RARRES1: variants seen among roughly 807,000 people sequenced by gnomAD.
RARRES1 encodes the protein retinoic acid receptor responder 1, also known as retinoic acid receptor responder protein 1.
A neutral mutation model predicts 30.6 loss-of-function variants in RARRES1; 34 were observed. The ratio of observed to expected loss-of-function variants is 1.11; its 90% CI spans 0.84 to 1.48. The LOEUF is 1.48. RARRES1 is among the 40% of genes most tolerant of loss of function. The pLI is 0.00. For missense variants in RARRES1, 373 were observed against 386.5 expected (o/e 0.97, Z 0.29); for synonymous variants, 153 against 155.5 (o/e 0.98, Z 0.12).
intron 3 of RARRES1, among the ~76,000 whole-genome samples, chr3:158,710,485 G>A (rs1727083710): frequency 6.6e-6 from 1 of 152,176 alleles, no homozygotes; most frequent in East Asian, 1.9e-4. Context: ...TGGGATTACA[G>A]GCATGAGCCA....
At chr3:158,702,242 G>A (rs1265675720) in intron 4 of RARRES1, among the ~76,000 whole-genome samples, 1 of 152,094 alleles carries the variant, frequency 6.6e-6, no homozygotes, top group Admixed American at 6.5e-5. Flanking sequence ...GTTTCACAGT[G>A]TTAGCCAGTA....
At chr3:158,719,308 GTCACCCAGGCT>G (rs1476716799) in intron 1 of RARRES1, among the ~76,000 whole-genome samples, 1 of 135,800 alleles carries the variant, frequency 7.4e-6, no homozygotes, top group Non-Finnish European at 1.5e-5. Context: ...GTCTCACTCT[GTCACCCAGGCT>G]GGAGTGCAAT....
intron 1 of RARRES1, among the ~76,000 whole-genome samples, chr3:158,725,005 G>A (rs894639720): frequency 2.6e-5 from 4 of 152,162 alleles, no homozygotes; most frequent in Non-Finnish European, 2.9e-5. Context: ...CTTATTTTTT[G>A]TAGAGATGGG....
At chr3:158,701,010 AATAG>A (rs1726703728) in intron 4 of RARRES1, among the ~76,000 whole-genome samples, 1 of 152,198 alleles carries the variant, frequency 6.6e-6, no homozygotes, top group Non-Finnish European at 1.5e-5. Context: ...ATTTCAGCAT[AATAG>A]ATAAGGTAGA....
At chr3:158,728,022 G>A (rs575028049) in intron 1 of RARRES1, among the ~76,000 whole-genome samples, 3 of 152,294 alleles carry the variant, frequency 2.0e-5, no homozygotes, top group South Asian at 4.1e-4. Context: ...ATTTCAGCGC[G>A]AGAAGAGGTC....
intron 1 of RARRES1, among the ~76,000 whole-genome samples, chr3:158,719,312 C>T (rs1376852981): frequency 1.3e-5 from 2 of 150,112 alleles, no homozygotes; most frequent in African/African-American, 4.9e-5. Flanking sequence ...CACTCTGTCA[C>T]CCAGGCTGGA....
In RARRES1 at chr3:158,722,368, CTA is replaced by C. The variant is rs566919447; in HGVS notation, c.277-8511_277-8510del. Among the ~76,000 whole-genome samples the C allele has an allele frequency of 6.6e-5, 10 of 152,300 alleles. No homozygotes were observed. The East Asian group carries it at 1.9e-3, about 29-fold the overall frequency. On this transcript the variant is annotated intron_variant, in intron 1 of 5. Coordinates refer to ENST00000237696, the MANE Select transcript of RARRES1 (RefSeq NM_206963.2). Reference sequence around the variant, plus strand: ...ATTTTTCTTCCAGTAGGTGTCTGCACTATCTTTACATTAGGCACTACCCACTT... The same window carrying C: ...ATTTTTCTTCCAGTAGGTGTCTGCACTCTTTACATTAGGCACTACCCACTT...
rs757821251 is a variant in RARRES1 at position 158,732,441 on chromosome 3, C to T, written c.-26G>A. 13 of 1,517,760 alleles carry T rather than the reference C, an allele frequency of 8.6e-6. No individual in the cohort carries two copies. Among genetic ancestry groups the T allele is most frequent in the Non-Finnish European group, 1.1e-5 (13 of 1,137,864 alleles). The allele number at this position is 1,517,760 out of a possible 1,614,324, so 94.0% of individuals were successfully genotyped here. On this transcript the variant is annotated 5_prime_UTR_variant, in exon 1 of 6. Coordinates refer to ENST00000237696, the MANE Select transcript of RARRES1 (RefSeq NM_206963.2). ...GGACGCAGGAAAGTTGGCTCGGCAC[C>T]CGACAGACACGGGCTCGGAGCGGGC...
chr3:158,710,042 TAA>T (rs1408165537), intron 3 of RARRES1, among the ~76,000 whole-genome samples: 2 of 152,200 alleles, frequency 1.3e-5, no homozygotes, highest in South Asian at 2.1e-4. Flanking sequence ...GGCTGTCGCC[TAA>T]AGTTTCCAAA....
chr3:158,729,308 G>T (rs75664993), intron 1 of RARRES1, among the ~76,000 whole-genome samples: 3,325 of 151,170 alleles, frequency 0.022, 107 homozygotes, highest in African/African-American at 0.077. Flanking sequence ...CTGGAGCAAT[G>T]CAGGGGCTGG....
intron 3 of RARRES1, among the ~76,000 whole-genome samples, chr3:158,706,250 A>C (rs1180511336): frequency 6.6e-6 from 1 of 152,192 alleles, no homozygotes; most frequent in African/African-American, 2.4e-5. Context: ...TAGTTGATAC[A>C]TTCCTTAAGA....
chr3:158,699,437 C>A (rs998683624), intron 4 of RARRES1, among the ~76,000 whole-genome samples: 1 of 149,664 alleles, frequency 6.7e-6, no homozygotes, highest in Non-Finnish European at 1.5e-5. Flanking sequence ...AAAAGCAACC[C>A]CCCCCCCACC....
In RARRES1 at chr3:158,697,687, A is replaced by G. The variant is rs1297678448; in HGVS notation, c.876T>C (p.Ser292=). Residue 292 remains serine (S), a synonymous_variant, in exon 6 of 6, where the codon AGT becomes AGC. Transcript: ENST00000237696. ...AGATCATTTTTTCTTTTTAGAAATTACTAAGCTCTGTTGGTACTACAGCTG... is the reference window on the plus strand; with the variant it reads ...AGATCATTTTTTCTTTTTAGAAATTGCTAAGCTCTGTTGGTACTACAGCTG... ...EGSAVVPTEL[S]NF 2 of 1,610,272 alleles carry G rather than the reference A, an allele frequency of 1.2e-6. No individual in the cohort carries two copies. The highest frequency in any genetic ancestry group is 1.7e-5 in the Admixed American group (1 of 59,340).
intron 1 of RARRES1, among the ~76,000 whole-genome samples, chr3:158,719,808 A>G (rs1464435445): frequency 6.6e-6 from 1 of 152,204 alleles, no homozygotes; most frequent in African/African-American, 2.4e-5. Flanking sequence ...GAATGCTTTC[A>G]AAGACCTGAA....
chr3:158,702,145 C>G (rs1726750055), intron 4 of RARRES1, among the ~76,000 whole-genome samples: 1 of 152,186 alleles, frequency 6.6e-6, no homozygotes, highest in African/African-American at 2.4e-5. Context: ...TCAAGCGATT[C>G]TCCTACCTCA....
chr3:158,701,319 A>G (rs1726714918), intron 4 of RARRES1, among the ~76,000 whole-genome samples: 3 of 151,584 alleles, frequency 2.0e-5, no homozygotes, highest in African/African-American at 7.3e-5. Flanking sequence ...GAGTTGTGCC[A>G]GTAAGATGTG....
chr3:158,697,515 T>C lies in RARRES1; in HGVS notation c.*163A>G, dbSNP rs530214224. 5.3e-6 allele frequency: 4 copies of C among 753,772 alleles called. No homozygotes were observed. The South Asian group carries it at 6.1e-5, about 11-fold the overall frequency. The allele number at this position is 753,772 out of a possible 1,614,324, so 46.7% of individuals were successfully genotyped here. On this transcript the variant is annotated 3_prime_UTR_variant, in exon 6 of 6. Coordinates refer to ENST00000237696, the MANE Select transcript of RARRES1 (RefSeq NM_206963.2). ...TCCAGAGTTAAAAGCTAAAGCAGAC[T>C]GAGAAACAAAAAACCAACATCTTTG...
chr3:158,732,146 G>A lies in RARRES1; in HGVS notation c.270C>T (p.Arg90=). The A allele has an allele frequency of 1.4e-6, 2 of 1,380,828 alleles. No homozygotes were observed. Among genetic ancestry groups the A allele is most frequent in the Non-Finnish European group, 1.9e-6 (2 of 1,074,898 alleles). 85.5% of individuals were successfully genotyped at this position (1,380,828 alleles called of 1,614,324 possible). ...LRVLAEVQEG[R]AWINPKEGCK... ...CGCGTCGCTCCGCACTCACCCACGC[G>A]CGGCCCTCCTGCACCTCGGCCAGCA... The change falls in exon 1 of 6, where the codon CGC becomes CGT. Residue 90 remains arginine (R), a synonymous_variant. Coordinates refer to ENST00000237696, the MANE Select transcript of RARRES1 (RefSeq NM_206963.2).
chr3:158,697,078 A>G lies in RARRES1; in HGVS notation c.*600T>C, dbSNP rs1726569107. On this transcript the variant is annotated 3_prime_UTR_variant, in exon 6 of 6. Transcript: ENST00000237696. ...AGCACAAATTTTTCCTTTGTATACAAATCTTCACGAGAACATTCAACACAT... is the reference window on the plus strand; with the variant it reads ...AGCACAAATTTTTCCTTTGTATACAGATCTTCACGAGAACATTCAACACAT... 2 of 152,338 alleles carry G rather than the reference A, an allele frequency of 1.3e-5. No individual in the cohort carries two copies. Among genetic ancestry groups the G allele is most frequent in the South Asian group, 2.1e-4 (1 of 4,828 alleles). The allele number at this position is 152,338 out of a possible 1,614,324, so 9.4% of individuals were successfully genotyped here. A position where few individuals can be genotyped will look rare whatever the true frequency, so the allele number is the denominator to read the frequency against.
Sources: gnomAD v4.1 joint callset for allele counts (sites outside exome capture counted in the v4.1 genomes callset) on GRCh38, gnomAD v4.1.1 for gene constraint, MANE v1.5 for transcripts, NCBI Gene and HGNC (gene_info 2026-07-23, HGNC 2026-07-21) for gene names.